ERC2: variants seen among roughly 807,000 people sequenced by gnomAD.
ERC2 encodes ERC protein 2.
A neutral mutation model predicts 114.8 loss-of-function variants in ERC2; 42 were observed. The ratio of observed to expected loss-of-function variants is 0.37; its 90% CI spans 0.29 to 0.47. ERC2 has a LOEUF of 0.47. ERC2 is among the 20% of genes least tolerant of loss of function. The probability of loss-of-function intolerance (pLI) is 0.99; values close to 1 mark genes in which losing one functional copy is unlikely to be tolerated. For missense variants in ERC2, 939 were observed against 1,150.7 expected, an observed-to-expected ratio of 0.82 and a Z score of 2.66; for synonymous variants, 454 against 425.5, an observed-to-expected ratio of 1.07 and a Z score of -0.82.
At chr3:56,461,903 C>G (rs1055122436) in intron 1 of ERC2, among the ~76,000 whole-genome samples, 1 of 152,012 alleles carries the variant, frequency 6.6e-6, no homozygotes, top group African/African-American at 2.4e-5. Context: ...CTTTATTTTA[C>G]AAATTTAAAA....
At chr3:56,467,862 C>T (rs1374480694) in intron 1 of ERC2, among the ~76,000 whole-genome samples, 1 of 152,034 alleles carries the variant, frequency 6.6e-6, no homozygotes, top group Non-Finnish European at 1.5e-5. Context: ...ACACCCCACC[C>T]CTCGAGGCAA....
chr3:55,533,723 G>T (rs1250146652), intron 17 of ERC2, among the ~76,000 whole-genome samples: 1 of 152,150 alleles, frequency 6.6e-6, no homozygotes, highest in African/African-American at 2.4e-5. Context: ...CTGCTCCTGG[G>T]GAGATGCTTC....
chr3:56,309,152 T>C (rs1210741006), intron 2 of ERC2, among the ~76,000 whole-genome samples: 1 of 152,206 alleles, frequency 6.6e-6, no homozygotes, highest in African/African-American at 2.4e-5. Context: ...TTTAGACATA[T>C]GGTCTAGCCT....
intron 17 of ERC2, among the ~76,000 whole-genome samples, chr3:55,625,381 A>G (rs1362112417): frequency 3.3e-5 from 5 of 151,536 alleles, no homozygotes; most frequent in Non-Finnish European, 7.4e-5. Context: ...AAAGAAAAAA[A>G]AAAAAAAAAG....
chr3:55,978,975 C>T (rs1408476195), intron 12 of ERC2, among the ~76,000 whole-genome samples: 1 of 152,164 alleles, frequency 6.6e-6, no homozygotes, highest in African/African-American at 2.4e-5. Flanking sequence ...GAAGAGCACC[C>T]ACACTCAGCA....
chr3:55,707,129 T>C (rs1415715745), intron 15 of ERC2, among the ~76,000 whole-genome samples: 1 of 152,202 alleles, frequency 6.6e-6, no homozygotes, highest in Non-Finnish European at 1.5e-5. Flanking sequence ...GGAGGGAAAT[T>C]ATGTTGCTAA....
intron 14 of ERC2, among the ~76,000 whole-genome samples, chr3:55,831,405 A>AG (rs2060574513): frequency 2.1e-5 from 1 of 46,938 alleles, no homozygotes; most frequent in East Asian, 8.8e-4. Context: ...AGGGGAGGGG[A>AG]GGGAAGGGGA....
chr3:55,557,173 C>T (rs1268808032), intron 17 of ERC2, among the ~76,000 whole-genome samples: 1 of 152,152 alleles, frequency 6.6e-6, no homozygotes, highest in Non-Finnish European at 1.5e-5. Context: ...GGAGATGGCT[C>T]GTAGCACTGC....
At chr3:56,188,720 G>A (rs1335442629) in intron 3 of ERC2, among the ~76,000 whole-genome samples, 2 of 152,204 alleles carry the variant, frequency 1.3e-5, no homozygotes, top group African/African-American at 4.8e-5. Context: ...GAACAAGCTG[G>A]TCCAGCTTCT....
chr3:56,129,476 A>G (rs2080076590), intron 6 of ERC2, among the ~76,000 whole-genome samples: 1 of 152,256 alleles, frequency 6.6e-6, no homozygotes, highest in South Asian at 2.1e-4. Flanking sequence ...TTTTAAAAAG[A>G]GTAAAGAATG....
chr3:56,388,684 C>T (rs111509076), intron 2 of ERC2, among the ~76,000 whole-genome samples: 17 of 152,110 alleles, frequency 1.1e-4, no homozygotes, highest in Admixed American at 5.2e-4. Context: ...CCTTACTCTA[C>T]GTTGTCACAA....
intron 2 of ERC2, among the ~76,000 whole-genome samples, chr3:56,375,245 G>A (rs2059496415): frequency 6.6e-6 from 1 of 152,200 alleles, no homozygotes; most frequent in Admixed American, 6.5e-5. Context: ...GCGGGAAAGG[G>A]ATGAAGATGC....
chr3:56,251,800 T>C (rs1330259603), intron 3 of ERC2, among the ~76,000 whole-genome samples: 1 of 152,232 alleles, frequency 6.6e-6, no homozygotes, highest in Non-Finnish European at 1.5e-5. Flanking sequence ...AGACGTGGCA[T>C]TCCGCACTTG....
At chr3:56,152,422 G>T (rs936575960) in intron 4 of ERC2, among the ~76,000 whole-genome samples, 8 of 151,848 alleles carry the variant, frequency 5.3e-5, no homozygotes, top group East Asian at 1.9e-4. Flanking sequence ...AATGAAGGGG[G>T]GGGGGCGCTA....
intron 7 of ERC2, among the ~76,000 whole-genome samples, chr3:56,023,952 G>T (rs758262002): frequency 2.6e-5 from 4 of 152,100 alleles, no homozygotes; most frequent in Non-Finnish European, 2.9e-5. Context: ...TAAAACAGAG[G>T]ACCTAAAACA....
chr3:55,578,285 A>G (rs2057086553), intron 17 of ERC2, among the ~76,000 whole-genome samples: 1 of 152,198 alleles, frequency 6.6e-6, no homozygotes, highest in South Asian at 2.1e-4. Context: ...AACACCCTAC[A>G]GGACTCCATG....
At chr3:55,831,542 T>A (rs546469779) in intron 14 of ERC2, among the ~76,000 whole-genome samples, 8 of 152,048 alleles carry the variant, frequency 5.3e-5, no homozygotes, top group South Asian at 2.1e-4. Flanking sequence ...GGAAAACACA[T>A]AATAAAATGG....
chr3:55,809,273 A>T (rs1181877624), intron 14 of ERC2, among the ~76,000 whole-genome samples: 1 of 152,186 alleles, frequency 6.6e-6, no homozygotes, highest in Non-Finnish European at 1.5e-5. Flanking sequence ...CAGTCACAGC[A>T]TTTAGGGTAT....
chr3:56,310,421 T>C (rs1349296127), intron 2 of ERC2, among the ~76,000 whole-genome samples: 2 of 152,220 alleles, frequency 1.3e-5, no homozygotes, highest in Non-Finnish European at 2.9e-5. Flanking sequence ...TCCTTCCCTG[T>C]CACTTCCTCT....
Sources: gnomAD v4.1 joint callset for allele counts (sites outside exome capture counted in the v4.1 genomes callset) on GRCh38, gnomAD v4.1.1 for gene constraint, MANE v1.5 for transcripts, NCBI Gene and HGNC (gene_info 2026-07-23, HGNC 2026-07-21) for gene names.